Variants in TMEM232 observed in about 807,000 individuals in gnomAD.
TMEM232 encodes transmembrane protein 232.
TMEM232 carries 80 observed loss-of-function variants against 78.8 expected under a neutral mutation model. The ratio of observed to expected loss-of-function variants is 1.01; its 90% CI spans 0.85 to 1.22. The LOEUF is 1.22. Ranked by LOEUF, TMEM232 falls within the 50% of genes most tolerant of loss-of-function variation. The probability of loss-of-function intolerance (pLI) is 0.00; values close to 1 mark genes in which losing one functional copy is unlikely to be tolerated. For missense variants in TMEM232, 881 were observed against 742.2 expected, an observed-to-expected ratio of 1.19 and a Z score of -2.17; for synonymous variants, 297 against 254.3, an observed-to-expected ratio of 1.17 and a Z score of -1.60.
intron 12 of TMEM232, among the ~76,000 whole-genome samples, chr5:110,473,609 G>A (rs931913214): frequency 6.6e-6 from 1 of 150,624 alleles, no homozygotes. Flanking sequence ...AAAAATTGAA[G>A]TACCACATGA....
At chr5:110,724,997 AT>A (rs1561574109) in intron 1 of TMEM232, among the ~76,000 whole-genome samples, 1 of 152,188 alleles carries the variant, frequency 6.6e-6, no homozygotes, top group Non-Finnish European at 1.5e-5. Flanking sequence ...AAGGTGGTAT[AT>A]TTTTTAAAGA....
chr5:110,579,045 A>T (rs985440885), intron 10 of TMEM232, among the ~76,000 whole-genome samples: 1 of 151,846 alleles, frequency 6.6e-6, no homozygotes, highest in Non-Finnish European at 1.5e-5. Context: ...ATTCACACTG[A>T]GACACATTAT....
chr5:110,611,582 A>C (rs1302192160), intron 8 of TMEM232, among the ~76,000 whole-genome samples: 1 of 152,140 alleles, frequency 6.6e-6, no homozygotes, highest in Non-Finnish European at 1.5e-5. Flanking sequence ...TCCTACCAGC[A>C]GAATCTTTCA....
At chr5:110,672,879 T>C (rs1012250208) in intron 1 of TMEM232, among the ~76,000 whole-genome samples, 14 of 152,156 alleles carry the variant, frequency 9.2e-5, no homozygotes, top group Admixed American at 7.9e-4. Flanking sequence ...CATTGCATTG[T>C]GCATTATTTT....
At chr5:110,616,761 C>G (rs1489351911) in intron 8 of TMEM232, among the ~76,000 whole-genome samples, 1 of 152,060 alleles carries the variant, frequency 6.6e-6, no homozygotes, top group South Asian at 2.1e-4. Context: ...ACATTATCAC[C>G]TCACACCTGT....
intron 10 of TMEM232, among the ~76,000 whole-genome samples, chr5:110,579,951 G>A (rs1248177408): frequency 1.3e-5 from 2 of 151,622 alleles, no homozygotes; most frequent in East Asian, 3.9e-4. Flanking sequence ...CACATAGGCT[G>A]AAAGTAAGGC....
chr5:110,589,559 A>G (rs978591563), intron 10 of TMEM232, among the ~76,000 whole-genome samples: 5 of 152,176 alleles, frequency 3.3e-5, no homozygotes, highest in Non-Finnish European at 7.3e-5. Flanking sequence ...GGACTCCAAA[A>G]TGAGAATGCC....
chr5:110,691,178 G>A (rs1287059781), intron 1 of TMEM232, among the ~76,000 whole-genome samples: 2 of 151,072 alleles, frequency 1.3e-5, no homozygotes, highest in South Asian at 4.2e-4. Flanking sequence ...GGAAGCTTTG[G>A]ACAATGAGGA....
intron 12 of TMEM232, among the ~76,000 whole-genome samples, chr5:110,465,136 A>T (rs1479885166): frequency 6.6e-6 from 1 of 152,252 alleles, no homozygotes; most frequent in Non-Finnish European, 1.5e-5. Context: ...TACTTTCTGC[A>T]TTAGCACACT....
intron 12 of TMEM232, among the ~76,000 whole-genome samples, chr5:110,498,847 C>G (rs1765901904): frequency 6.6e-6 from 1 of 152,098 alleles, no homozygotes; most frequent in African/African-American, 2.4e-5. Context: ...AAAGACCCTC[C>G]TAATGAAGTG....
chr5:110,570,743 G>A (rs1229846031), intron 10 of TMEM232, among the ~76,000 whole-genome samples: 3 of 151,892 alleles, frequency 2.0e-5, no homozygotes, highest in African/African-American at 4.8e-5. Context: ...ACTAATCCAC[G>A]TTGTGGAAAC....
intron 12 of TMEM232, among the ~76,000 whole-genome samples, chr5:110,455,874 A>G (rs973217301): frequency 7.2e-5 from 11 of 152,240 alleles, no homozygotes; most frequent in African/African-American, 2.7e-4. Flanking sequence ...AACAGATGAA[A>G]AACAAGCTTT....
At chr5:110,569,007 C>G (rs1776634655) in intron 10 of TMEM232, among the ~76,000 whole-genome samples, 1 of 151,590 alleles carries the variant, frequency 6.6e-6, no homozygotes. Context: ...AGTAGAGAAA[C>G]CAGAAAAATA....
Position 110,640,268 on chromosome 5 carries a change from T to A in TMEM232, c.343+623A>T, listed in dbSNP as rs138380205. Among the ~76,000 whole-genome samples the A allele has an allele frequency of 1.0e-2, 1,521 of 152,246 alleles. 32 individuals carry two copies. Among genetic ancestry groups the A allele is most frequent in the African/African-American group, 0.034 (1,420 of 41,548 alleles). On this transcript the variant is annotated intron_variant, in intron 4 of 13. Coordinates refer to ENST00000455884, the MANE Select transcript of TMEM232 (RefSeq NM_001039763.4). Reference sequence around the variant, plus strand: ...TTGCTTGAAAATTCCCAGATAGCACTACAAAACCTAATTTACATGGGGGAA... The same window carrying A: ...TTGCTTGAAAATTCCCAGATAGCACAACAAAACCTAATTTACATGGGGGAA...
At chr5:110,668,144 A>G (rs976114245) in intron 1 of TMEM232, among the ~76,000 whole-genome samples, 1 of 152,160 alleles carries the variant, frequency 6.6e-6, no homozygotes, top group African/African-American at 2.4e-5. Flanking sequence ...GCACACTCAA[A>G]TATGGTACCT....
chr5:110,610,340 T>C (rs1179586050), intron 8 of TMEM232, among the ~76,000 whole-genome samples: 5 of 150,378 alleles, frequency 3.3e-5, no homozygotes, highest in Non-Finnish European at 7.4e-5. Flanking sequence ...AAGAAAAATA[T>C]TTCTAATAAC....
At chr5:110,683,401 T>A (rs1397556980) in intron 1 of TMEM232, among the ~76,000 whole-genome samples, 1 of 151,872 alleles carries the variant, frequency 6.6e-6, no homozygotes, top group Non-Finnish European at 1.5e-5. Flanking sequence ...CACATATATA[T>A]GTTGTGGCCT....
chr5:110,423,786 T>C, intron 13 of TMEM232, among the ~76,000 whole-genome samples: 1 of 151,066 alleles, frequency 6.6e-6, no homozygotes, highest in East Asian at 1.9e-4. Flanking sequence ...CGTGCGTGTG[T>C]GTGTGTGTGT....
intron 10 of TMEM232, among the ~76,000 whole-genome samples, chr5:110,590,029 G>A (rs942594105): frequency 2.6e-5 from 4 of 152,086 alleles, no homozygotes; most frequent in African/African-American, 9.7e-5. Flanking sequence ...TAAGACATGT[G>A]TAGGATGGTT....
Sources: gnomAD v4.1 joint callset for allele counts (sites outside exome capture counted in the v4.1 genomes callset) on GRCh38, gnomAD v4.1.1 for gene constraint, MANE v1.5 for transcripts, NCBI Gene and HGNC (gene_info 2026-07-23, HGNC 2026-07-21) for gene names.